SH3BGRL2: variants seen among roughly 807,000 people sequenced by gnomAD.
SH3BGRL2 encodes the protein SH3 domain binding glutamate rich protein like 2.
Under a neutral mutation model 14.8 loss-of-function variants are expected in SH3BGRL2, and 21 were observed. The ratio of observed to expected loss-of-function variants is 1.42; its 90% CI spans 1.01 to 2.05. SH3BGRL2 has a LOEUF of 2.05. Among genes scored for constraint, SH3BGRL2 ranks in the 30% most tolerant of loss-of-function variants. The probability of loss-of-function intolerance (pLI) is 0.00; values close to 1 mark genes in which losing one functional copy is unlikely to be tolerated. For missense variants in SH3BGRL2, 147 were observed against 130.8 expected, an observed-to-expected ratio of 1.12 and a Z score of -0.61; for synonymous variants, 50 against 47.8, an observed-to-expected ratio of 1.05 and a Z score of -0.19.
the SH3BGRL2 span, among the ~76,000 whole-genome samples, chr6:79,624,938 A>G: frequency 6.6e-6 from 1 of 152,084 alleles, no homozygotes; most frequent in Admixed American, 6.6e-5. Context: ...TTGGGAAGCC[A>G]AGACAGGAGG....
intron 2 of SH3BGRL2, among the ~76,000 whole-genome samples, chr6:79,679,194 A>G (rs140413253): frequency 1.3e-5 from 2 of 152,320 alleles, no homozygotes; most frequent in African/African-American, 2.4e-5. Flanking sequence ...AGAAATCTTC[A>G]AACTGCTTTC....
rs1769826397 is a variant in SH3BGRL2 at position 79,673,791 on chromosome 6, T to C, written c.223T>C (p.Tyr75His). ...LPPQIFNGDR[Y>H]CGDYDSFFES... ...ACCTCAGATATTTAATGGCGACCGA[T>C]ACTGTGGAGTAAGTGGCTAGACTGT... The change falls in exon 2 of 4, where the codon TAC becomes CAC. Residue 75 changes from tyrosine to histidine, a missense_variant. Transcript: ENST00000369838. 1.2e-6 allele frequency: 2 copies of C among 1,613,528 alleles called. No individual in the cohort carries two copies.
At chr6:79,652,825 A>AACAT (rs1227801747) in intron 1 of SH3BGRL2, among the ~76,000 whole-genome samples, 1 of 152,142 alleles carries the variant, frequency 6.6e-6, no homozygotes, top group African/African-American at 2.4e-5. Context: ...GCTGATATGT[A>AACAT]ACATAGTTAA....
chr6:79,594,254 TC>T, the SH3BGRL2 span, among the ~76,000 whole-genome samples: 1 of 152,196 alleles, frequency 6.6e-6, no homozygotes, highest in African/African-American at 2.4e-5. Flanking sequence ...AGAACTGCTT[TC>T]CTTTGTCCTG....
intron 2 of SH3BGRL2, among the ~76,000 whole-genome samples, chr6:79,677,738 T>A (rs1291078266): frequency 6.6e-6 from 1 of 152,230 alleles, no homozygotes; most frequent in Non-Finnish European, 1.5e-5. Context: ...AAGTTGCTAG[T>A]ATCTTTCTCA....
chr6:79,682,843 C>T (rs960588129), intron 2 of SH3BGRL2, among the ~76,000 whole-genome samples: 1 of 152,210 alleles, frequency 6.6e-6, no homozygotes, highest in Non-Finnish European at 1.5e-5. Context: ...AAATGTGGCA[C>T]ATATACACCA....
At chr6:79,683,726 C>T (rs571963549) in intron 2 of SH3BGRL2, among the ~76,000 whole-genome samples, 1 of 152,194 alleles carries the variant, frequency 6.6e-6, no homozygotes, top group African/African-American at 2.4e-5. Context: ...GGATTACAGG[C>T]GTGAGCCACC....
At chr6:79,625,805 T>C in the SH3BGRL2 span, among the ~76,000 whole-genome samples, 3 of 152,202 alleles carry the variant, frequency 2.0e-5, no homozygotes, top group African/African-American at 4.8e-5. Flanking sequence ...AGATGAGGTA[T>C]TGGCAAGTTA....
chr6:79,682,625 G>T (rs529491052), intron 2 of SH3BGRL2, among the ~76,000 whole-genome samples: 1 of 152,186 alleles, frequency 6.6e-6, no homozygotes, highest in Non-Finnish European at 1.5e-5. Flanking sequence ...CAGTACCTGG[G>T]GGGGCCCAAA....
the SH3BGRL2 span, among the ~76,000 whole-genome samples, chr6:79,585,835 C>T: frequency 4.4e-3 from 670 of 151,886 alleles, 9 homozygotes; most frequent in African/African-American, 0.015. Flanking sequence ...CTGTAGCCCA[C>T]GAGCTACATG....
chr6:79,607,951 A>C, the SH3BGRL2 span, among the ~76,000 whole-genome samples: 1 of 152,154 alleles, frequency 6.6e-6, no homozygotes, highest in Non-Finnish European at 1.5e-5. Flanking sequence ...ATCTCAAAAA[A>C]AAGAAAAAGA....
Position 79,702,479 on chromosome 6 carries a change from C to T in SH3BGRL2, c.*2970C>T, listed in dbSNP as rs1222076184. ...GTGAAATCACATATTTTATATTCAG[C>T]ATAAAGGAGAATAAATTCCAGAAAA... On this transcript the variant is annotated 3_prime_UTR_variant, in exon 4 of 4. Transcript: ENST00000369838. 6.6e-6 allele frequency: 1 copy of T among 152,420 alleles called. No homozygotes were observed. Among genetic ancestry groups the T allele is most frequent in the Non-Finnish European group, 1.5e-5 (1 of 68,044 alleles). 9.4% of individuals were successfully genotyped at this position (152,420 alleles called of 1,614,324 possible).
At chr6:79,694,342 A>G (rs2127739293) in intron 2 of SH3BGRL2, among the ~76,000 whole-genome samples, 1 of 152,358 alleles carries the variant, frequency 6.6e-6, no homozygotes, top group East Asian at 1.9e-4. Context: ...TGTCAGGCAG[A>G]GAAAGTATGT....
the SH3BGRL2 span, among the ~76,000 whole-genome samples, chr6:79,580,546 G>A: frequency 6.6e-6 from 1 of 152,054 alleles, no homozygotes; most frequent in East Asian, 1.9e-4. Flanking sequence ...ATGACTACTG[G>A]GTAAATAAAG....
At chr6:79,538,688 G>GA in the SH3BGRL2 span, among the ~76,000 whole-genome samples, 21 of 152,172 alleles carry the variant, frequency 1.4e-4, no homozygotes, top group Non-Finnish European at 3.1e-4. Flanking sequence ...GGAAGAATCA[G>GA]AAAACATACC....
the SH3BGRL2 span, among the ~76,000 whole-genome samples, chr6:79,588,287 T>G: frequency 1.7e-5 from 1 of 57,970 alleles, no homozygotes; most frequent in Non-Finnish European, 4.1e-5. Flanking sequence ...CAAGACTCTG[T>G]CTAAAAAAAA....
chr6:79,582,599 C>G, the SH3BGRL2 span, among the ~76,000 whole-genome samples: 2 of 152,168 alleles, frequency 1.3e-5, 1 homozygote, highest in Non-Finnish European at 2.9e-5. Context: ...AAAGCTGAAA[C>G]TGGATCACTT....
the SH3BGRL2 span, among the ~76,000 whole-genome samples, chr6:79,540,461 T>A: frequency 8.8e-5 from 13 of 148,266 alleles, no homozygotes; most frequent in Admixed American, 1.4e-4. Context: ...ATAAATAAAA[T>A]AAATAAATAG....
At chr6:79,592,474 C>T in the SH3BGRL2 span, among the ~76,000 whole-genome samples, 2 of 152,078 alleles carry the variant, frequency 1.3e-5, no homozygotes, top group Non-Finnish European at 2.9e-5. Context: ...TTAGCCTAGT[C>T]TTAAGACTAT....
Sources: allele counts gnomAD v4.1 joint callset (sites outside exome capture counted in the v4.1 genomes callset), GRCh38; gene constraint gnomAD v4.1.1; transcripts MANE v1.5; gene names NCBI Gene and HGNC (gene_info 2026-07-23, HGNC 2026-07-21).